The following LAMC3 variants were observed in gnomAD, a reference collection of about 807,000 sequenced individuals.
LAMC3 encodes the protein laminin subunit gamma 3.
A neutral mutation model predicts 173.8 loss-of-function variants in LAMC3; 128 were observed. That is an observed-to-expected ratio of 0.74 (90% CI 0.64 to 0.85). LAMC3 has a LOEUF of 0.85. Among genes scored for constraint, LAMC3 ranks in the 40% least tolerant of loss-of-function variants. LAMC3 has a pLI of 0.00. For missense variants in LAMC3, 2,022 were observed against 2,156.0 expected, an observed-to-expected ratio of 0.94 and a Z score of 1.23; for synonymous variants, 897 against 909.1, an observed-to-expected ratio of 0.99 and a Z score of 0.24.
chr9:131,023,031 T>C (rs1340057993), intron 1 of LAMC3, among the ~76,000 whole-genome samples: 2 of 152,206 alleles, frequency 1.3e-5, no homozygotes, highest in South Asian at 2.1e-4. Context: ...CCATAAGATG[T>C]GGTCTTTGGT....
intron 24 of LAMC3, among the ~76,000 whole-genome samples, chr9:131,084,730 C>G (rs1297093008): frequency 6.8e-6 from 1 of 147,468 alleles, no homozygotes; most frequent in Non-Finnish European, 1.5e-5. Flanking sequence ...AACTCCATCT[C>G]TACTAAAAAA....
intron 8 of LAMC3, among the ~76,000 whole-genome samples, chr9:131,047,819 C>A (rs61297867): frequency 6.6e-6 from 1 of 151,118 alleles, no homozygotes; most frequent in East Asian, 2.0e-4. Context: ...GCCGAGATCG[C>A]GCCACTGCAC....
At position 131,039,041 on chromosome 9, in the gene LAMC3, G is replaced by A; in HGVS notation, c.1154G>A (p.Cys385Tyr). Residue 385 changes from cysteine (C) to tyrosine (Y), a missense_variant, in exon 5 of 28, where the codon TGC becomes TAC. Transcript: ENST00000361069. The stretch of plus-strand genomic sequence containing the variant: ...CGGATGCCATGCCAGCCCTGTGACT[G>A]CCAGTCGGCAGGTGAGTGGACTCCA... ...DPRMPCQPCD[C>Y]QSAGSLHLQC... is the part of the protein sequence containing the mutation. 6.2e-7 allele frequency: 1 copy of A among 1,613,388 alleles called. No homozygotes were observed. The highest frequency in any genetic ancestry group is 8.5e-7 in the Non-Finnish European group (1 of 1,179,980).
intron 3 of LAMC3, among the ~76,000 whole-genome samples, chr9:131,032,557 GCTCTCTCT>G (rs58169839): frequency 0.031 from 4,067 of 132,180 alleles, 194 homozygotes; most frequent in African/African-American, 0.11. Flanking sequence ...GCTCTCTCTC[GCTCTCTCT>G]CTTGCTCTCT....
intron 11 of LAMC3, among the ~76,000 whole-genome samples, chr9:131,055,535 C>G (rs1311151403): frequency 6.7e-6 from 1 of 148,714 alleles, no homozygotes. Context: ...TGTCATCCTC[C>G]TGCCTCAGCC....
At chr9:131,022,116 G>A (rs1277979947) in intron 1 of LAMC3, among the ~76,000 whole-genome samples, 1 of 152,148 alleles carries the variant, frequency 6.6e-6, no homozygotes, top group Non-Finnish European at 1.5e-5. Flanking sequence ...GAGGGCAGGA[G>A]AAGGCAGAGG....
Position 131,077,277 on chromosome 9 carries a change from G to C in LAMC3, c.3720G>C (p.Gln1240His). ...PEAESVLATV[Q>H]QVGADTAPYL... is the part of the protein sequence containing the mutation. ...CGGAAAGCGTGTTGGCCACCGTGCA[G>C]CAAGTTGGCGCAGATACAGCCCCGT... The change falls in exon 22 of 28, where the codon CAG becomes CAC. Residue 1240 changes from glutamine to histidine, a missense_variant. Gln to His is a conservative substitution (Grantham distance 24). Coordinates refer to ENST00000361069, the MANE Select transcript of LAMC3 (RefSeq NM_006059.4). 1 of 1,614,072 alleles carries C rather than the reference G, an allele frequency of 6.2e-7. No homozygotes were observed. Among genetic ancestry groups the C allele is most frequent in the Admixed American group, 1.7e-5 (1 of 60,026 alleles).
intron 18 of LAMC3, 99 bp from the exon 19 acceptor site, chr9:131,072,531 C>T (rs1184422836): frequency 6.2e-6 from 6 of 965,008 alleles, no homozygotes; most frequent in Non-Finnish European, 9.6e-6. Context: ...GCTGCTGATG[C>T]CTGGGGAATG....
rs921769820 is a variant in LAMC3, at chr9:131,091,526, C to G, written c.4478-11C>G. On this transcript the variant is annotated splice_polypyrimidine_tract_variant and intron_variant, in intron 27 of 27. Coordinates refer to ENST00000361069, the MANE Select transcript of LAMC3 (RefSeq NM_006059.4). ...CTGGCTCACAGTGAGGCTGTTTGTG[C>G]CCCACCACAGGGTCGCTGGACACCC... 29 of 1,571,706 alleles carry G rather than the reference C, an allele frequency of 1.8e-5. No individual in the cohort carries two copies. Among genetic ancestry groups the G allele is most frequent in the Non-Finnish European group, 2.5e-5 (29 of 1,159,564 alleles).
chr9:131,020,191 G>A lies in LAMC3; in HGVS notation c.374-6094G>A, dbSNP rs193118346. Among the ~76,000 whole-genome samples, 11 of 152,332 alleles carry A rather than the reference G, an allele frequency of 7.2e-5. No homozygotes were observed. The South Asian group carries it at 1.2e-3, about 17-fold the overall frequency. On this transcript the variant is annotated intron_variant, in intron 1 of 27. Coordinates refer to ENST00000361069, the MANE Select transcript of LAMC3 (RefSeq NM_006059.4). The stretch of plus-strand genomic sequence containing the variant: ...TGGGTGAGGCTGCCCTGCCCACCTC[G>A]AGCATCAGAACCAGGTGGGTGAGCT...
At position 131,053,398 on chromosome 9, in the gene LAMC3, G is replaced by A. The variant is rs1265897423; in HGVS notation, c.1939+433G>A. On this transcript the variant is annotated intron_variant, in intron 11 of 27. Coordinates refer to ENST00000361069, the MANE Select transcript of LAMC3 (RefSeq NM_006059.4). ...TATTGTACCTAAGCCACCCTAGGAG[G>A]GTCTGGTCTTCCCAAAGAGGGGGCC... 3.0e-4 allele frequency among the ~76,000 whole-genome samples: 45 copies of A among 152,110 alleles called. 1 individual carries two copies. Among genetic ancestry groups the A allele is most frequent in the Admixed American group, 2.9e-3 (45 of 15,268 alleles).
chr9:131,060,978 T>C, intron 12 of LAMC3, 57 bp from the exon 13 acceptor site: 2 of 1,574,060 alleles, frequency 1.3e-6, no homozygotes, highest in Non-Finnish European at 1.7e-6. Context: ...CCCACCGGGA[T>C]GCCCACCATC....
intron 12 of LAMC3, among the ~76,000 whole-genome samples, chr9:131,058,509 C>T (rs529346919): frequency 6.6e-6 from 1 of 152,214 alleles, no homozygotes; most frequent in South Asian, 2.1e-4. Context: ...TCTTCCACTC[C>T]CACACTGACG....
In LAMC3 at chr9:131,009,616, G is replaced by T. The variant is rs749611585; in HGVS notation, c.373+29G>T. The stretch of plus-strand genomic sequence containing the variant: ...AGCGCGGGCTGGGGGCACCGCCACC[G>T]CACCCCGTGTCCCCACTCCACTGGG... On this transcript the variant is annotated intron_variant, in intron 1 of 27. Transcript: ENST00000361069. This position sits in a 1 kb window ranked among gnomAD's most constrained non-coding sequence, Gnocchi z 4.3. The T allele has an allele frequency of 1.3e-6, 2 of 1,554,660 alleles. No homozygotes were observed. The highest frequency in any genetic ancestry group is 2.4e-5 in the East Asian group (1 of 41,460).
At chr9:131,077,096 C>G in intron 21 of LAMC3, 91 bp from the exon 22 acceptor site, 1 of 1,574,200 alleles carries the variant, frequency 6.4e-7, no homozygotes, top group South Asian at 1.1e-5. Flanking sequence ...TGGCAGAGGC[C>G]TTTGCAAACC....
intron 21 of LAMC3, among the ~76,000 whole-genome samples, chr9:131,076,504 G>A (rs1350411656): frequency 6.6e-6 from 1 of 152,210 alleles, no homozygotes; most frequent in Non-Finnish European, 1.5e-5. Context: ...CAGGTGTCCA[G>A]CCCTGAGCCA....
chr9:131,079,562 CAT>C lies in LAMC3; in HGVS notation c.3927+265_3927+266del. Among the ~76,000 whole-genome samples the C allele has an allele frequency of 2.0e-5, 3 of 152,200 alleles. No individual in the cohort carries two copies. The South Asian group carries it at 6.2e-4, about 32-fold the overall frequency. On this transcript the variant is annotated intron_variant, in intron 23 of 27. Coordinates refer to ENST00000361069, the MANE Select transcript of LAMC3 (RefSeq NM_006059.4). The stretch of plus-strand genomic sequence containing the variant: ...ACAAAAAATTAGCCAGGCATGGTGG[CAT>C]GTGCCTATAGTCCCATCTACTTGGG...
chr9:131,038,867 G>A lies in LAMC3; in HGVS notation c.980G>A (p.Cys327Tyr). 5 of 1,612,966 alleles carry A rather than the reference G, an allele frequency of 3.1e-6. No homozygotes were observed. Among genetic ancestry groups the A allele is most frequent in the Non-Finnish European group, 4.2e-6 (5 of 1,180,018 alleles). ...TAEAAHECLP[C>Y]NCSGRSEECT... ...CTTTCCCCACTCCTGCCCATAGCCT[G>A]CAACTGCAGTGGCCGCTCCGAGGAA... Residue 327 changes from cysteine to tyrosine, a missense_variant, in exon 5 of 28, where the codon TGC (cysteine) becomes TAC (tyrosine). By Grantham distance (194) the Cys-to-Tyr change is radical (BLOSUM62 -2). Coordinates refer to ENST00000361069, the MANE Select transcript of LAMC3 (RefSeq NM_006059.4).
At chr9:131,048,957 G>A in intron 8 of LAMC3, 63 bp from the exon 9 acceptor site, 1 of 1,038,002 alleles carries the variant, frequency 9.6e-7, no homozygotes, top group East Asian at 2.6e-5. Flanking sequence ...CCTGGGGCTG[G>A]CACCTGGAGA....
Sources: gnomAD v4.1 joint callset for allele counts (sites outside exome capture counted in the v4.1 genomes callset) on GRCh38, gnomAD v4.1.1 for gene constraint, Gnocchi (gnomAD v3.1) non-coding constraint, MANE v1.5 for transcripts, NCBI Gene and HGNC (gene_info 2026-07-23, HGNC 2026-07-21) for gene names.